The following DHX8 variants were observed in gnomAD, a reference collection of about 807,000 sequenced individuals.
DHX8 encodes the protein ATP-dependent RNA helicase DHX8.
A neutral mutation model predicts 140.7 loss-of-function variants in DHX8; 67 were observed. The ratio of observed to expected loss-of-function variants is 0.48; its 90% confidence interval spans 0.39 to 0.58. DHX8 has a LOEUF of 0.58. DHX8 is among the 20% of genes least tolerant of loss of function. The pLI is 0.00. For missense variants in DHX8, 887 were observed against 1,550.7 expected, an observed-to-expected ratio of 0.57 and a Z score of 7.19; for synonymous variants, 533 against 553.2, an observed-to-expected ratio of 0.96 and a Z score of 0.51.
chr17:43,511,514 G>A (rs1265165224), intron 16 of DHX8, among the ~76,000 whole-genome samples: 1 of 117,000 alleles, frequency 8.5e-6, no homozygotes, highest in Non-Finnish European at 1.6e-5. Flanking sequence ...CTGGAATGCA[G>A]TGGCATGATC....
At chr17:43,504,851 G>A (rs749433038) in intron 12 of DHX8, 26 bp downstream of exon 12, 4 of 1,600,192 alleles carry the variant, frequency 2.5e-6, no homozygotes, top group Non-Finnish European at 3.4e-6. Context: ...TGATGTATTG[G>A]TGGGGAGTAG....
rs1968373959 is a variant in DHX8, at chr17:43,489,535, G to A, written c.234+1G>A. On this transcript the variant is annotated splice_donor_variant, in intron 2 of 22. Transcript: ENST00000262415. LOFTEE classifies it high-confidence loss of function. ...CGTCAAAAATGGTGCAGAATTTACG[G>A]TATGTATATGTGGAGAAGATAATCT... is the stretch of plus-strand genomic sequence containing the variant. The A allele has an allele frequency of 6.4e-7, 1 of 1,564,422 alleles. No individual in the cohort carries two copies. Among genetic ancestry groups the A allele is most frequent in the Non-Finnish European group, 8.8e-7 (1 of 1,136,142 alleles).
intron 17 of DHX8, among the ~76,000 whole-genome samples, chr17:43,514,824 G>A (rs558547669): frequency 6.6e-6 from 1 of 152,198 alleles, no homozygotes; most frequent in African/African-American, 2.4e-5. Flanking sequence ...TAGAATGTTG[G>A]TGGCATTAAC....
At chr17:43,517,054 C>A in intron 17 of DHX8, 113 bp from the exon 18 acceptor site, 1 of 1,145,308 alleles carries the variant, frequency 8.7e-7, no homozygotes. Flanking sequence ...GTGAAATCAA[C>A]CCCATTTCTG....
chr17:43,499,465 T>C (rs1033781506), intron 10 of DHX8, among the ~76,000 whole-genome samples: 1 of 152,196 alleles, frequency 6.6e-6, no homozygotes, highest in Non-Finnish European at 1.5e-5. Context: ...CGCATATCAT[T>C]CTTCTGCGGT....
intron 19 of DHX8, 21 bp downstream of exon 19, chr17:43,520,288 C>G (rs769612814): frequency 1.2e-6 from 2 of 1,611,130 alleles, no homozygotes; most frequent in Non-Finnish European, 8.5e-7. Context: ...GACTCAACTT[C>G]CTGTGCTTTT....
At chr17:43,506,917 T>C (rs2154586638) in intron 12 of DHX8, 86 bp from the exon 13 acceptor site, 3 of 1,056,858 alleles carry the variant, frequency 2.8e-6, no homozygotes, top group Non-Finnish European at 4.0e-6. Flanking sequence ...ATGTAGATTT[T>C]AATGACCATA....
At position 43,489,443 on chromosome 17, in the gene DHX8, T is replaced by G. The variant is rs750318350; in HGVS notation, c.149-6T>G. The G allele has an allele frequency of 3.8e-6, 6 of 1,593,294 alleles. No individual in the cohort carries two copies. In the African/African-American group the frequency reaches 6.8e-5, roughly 18 times the overall value. ...TTCTTTTCTGAATTCTGTTTCTTAT[T>G]TGCAGCTGAATTTGTGATCAGTCTT... is the stretch of plus-strand genomic sequence containing the variant. On this transcript the variant is annotated splice_region_variant and splice_polypyrimidine_tract_variant and intron_variant, in intron 1 of 22. Coordinates refer to ENST00000262415, the MANE Select transcript of DHX8 (RefSeq NM_004941.3).
At chr17:43,513,902 G>A (rs1307510555) in intron 17 of DHX8, among the ~76,000 whole-genome samples, 2 of 151,712 alleles carry the variant, frequency 1.3e-5, no homozygotes, top group African/African-American at 4.8e-5. Flanking sequence ...TAGTAGAGAC[G>A]GGGTTTCATC....
intron 11 of DHX8, among the ~76,000 whole-genome samples, chr17:43,501,633 A>G (rs11079660): frequency 0.64 from 98,019 of 152,046 alleles, 33,880 homozygotes; most frequent in African/African-American, 0.91. Flanking sequence ...ACAGGCATGC[A>G]CCACCACGCC....
chr17:43,540,803 G>C (rs560151496), intron 3 of DHX8, among the ~76,000 whole-genome samples: 13 of 152,288 alleles, frequency 8.5e-5, no homozygotes, highest in Non-Finnish European at 1.6e-4. Flanking sequence ...GCAGGAAGCT[G>C]GGGTGATGGG....
intron 12 of DHX8, among the ~76,000 whole-genome samples, chr17:43,505,516 C>G (rs940200532): frequency 6.6e-5 from 10 of 151,974 alleles, no homozygotes; most frequent in African/African-American, 2.4e-4. Context: ...CTACAGTGAA[C>G]TGCAATCACA....
chr17:43,507,385 G>A (rs1400168121), intron 13 of DHX8, 118 bp from the exon 14 acceptor site: 40 of 1,135,422 alleles, frequency 3.5e-5, no homozygotes, highest in Middle Eastern at 5.4e-4. Flanking sequence ...GGAAATTACT[G>A]TACATCTTGA....
chr17:43,490,949 C>T (rs575645368), intron 3 of DHX8, among the ~76,000 whole-genome samples: 1 of 152,210 alleles, frequency 6.6e-6, no homozygotes, highest in East Asian at 1.9e-4. Flanking sequence ...AGTATTGCTA[C>T]ACTCCTCTTT....
chr17:43,526,657 G>C, downstream of DHX8: 2 of 1,528,204 alleles, frequency 1.3e-6, no homozygotes, highest in Admixed American at 2.0e-5. Flanking sequence ...TTCTTTCCCT[G>C]GATGCTGCTT....
intron 6 of DHX8, 62 bp downstream of exon 6, chr17:43,493,102 A>T: frequency 1.9e-6 from 3 of 1,555,444 alleles, no homozygotes; most frequent in Non-Finnish European, 1.7e-6. Context: ...ATCACTGAGG[A>T]TGTTCACATT....
chr17:43,524,385 G>C lies in DHX8; in HGVS notation c.*538G>C. 1.0e-6 allele frequency: 1 copy of C among 992,668 alleles called. No individual in the cohort carries two copies. The highest frequency in any genetic ancestry group is 1.2e-6 in the Non-Finnish European group (1 of 834,460). The allele number at this position is 992,668 out of a possible 1,614,324, so 61.5% of individuals were successfully genotyped here. On this transcript the variant is annotated 3_prime_UTR_variant, in exon 23 of 23. Coordinates refer to ENST00000262415, the MANE Select transcript of DHX8 (RefSeq NM_004941.3). Reference sequence around the variant, plus strand: ...GGATATTGGCCTGGGCTCAGGGTGAGGGAGATTTAGTATCTGTGCTCTGGC... The same window carrying C: ...GGATATTGGCCTGGGCTCAGGGTGACGGAGATTTAGTATCTGTGCTCTGGC...
chr17:43,499,865 G>A (rs1285370131), intron 10 of DHX8, 91 bp from the exon 11 acceptor site: 4 of 1,376,126 alleles, frequency 2.9e-6, no homozygotes, highest in African/African-American at 1.4e-5. Context: ...TATTCCAGAT[G>A]TAGTCTCATG....
At chr17:43,526,594 G>C, downstream of DHX8, 3 of 1,535,656 alleles carry the variant, frequency 2.0e-6, no homozygotes, top group East Asian at 2.4e-5. Context: ...CTGGTGACTT[G>C]TTAATGAACA....
Sources: gnomAD v4.1 joint callset for allele counts (sites outside exome capture counted in the v4.1 genomes callset) on GRCh38, gnomAD v4.1.1 for gene constraint, MANE v1.5 for transcripts, NCBI Gene and HGNC (gene_info 2026-07-23, HGNC 2026-07-21) for gene names.